YTHDC2: variants seen among roughly 807,000 people sequenced by gnomAD.
YTHDC2 encodes 3'-5' RNA helicase YTHDC2.
YTHDC2 carries 45 observed loss-of-function variants against 174.9 expected under a neutral mutation model. The observed-to-expected ratio is 0.26, with a 90% CI of 0.20 to 0.33. YTHDC2 has a LOEUF of 0.33. Among genes scored for constraint, YTHDC2 ranks in the 10% least tolerant of loss-of-function variants. YTHDC2 has a pLI of 1.00. For missense variants in YTHDC2, 1,650 were observed against 1,723.7 expected (o/e 0.96, Z 0.76); for synonymous variants, 657 against 574.5 (o/e 1.14, Z -2.05).
intron 8 of YTHDC2, among the ~76,000 whole-genome samples, chr5:113,539,644 C>T (rs1488523798): frequency 6.6e-6 from 1 of 152,168 alleles, no homozygotes; most frequent in Non-Finnish European, 1.5e-5. Flanking sequence ...TAATACGTCT[C>T]TTGTAATGAC....
chr5:113,582,547 T>G (rs1409307723), intron 25 of YTHDC2: 2 of 152,216 alleles, frequency 1.3e-5, no homozygotes, highest in African/African-American at 4.8e-5. Context: ...GGTTTTCACC[T>G]TGTTAAAATT....
chr5:113,526,811 GAAAAA>G lies in YTHDC2; in HGVS notation c.675+38_675+42del, dbSNP rs58260423. 2,052 of 260,416 alleles carry G rather than the reference GAAAAA, an allele frequency of 7.9e-3. 31 individuals carry two copies. Among genetic ancestry groups the G allele is most frequent in the Non-Finnish European group, 8.0e-3 (1,375 of 170,950 alleles). 16.1% of individuals were successfully genotyped at this position (260,416 alleles called of 1,614,324 possible). ...GTTTGTTTCTTTTTTGTTGTTTATAGAAAAAAAAAAAAAAAATATATATATATATA... is the reference window on the plus strand; with the variant it reads ...GTTTGTTTCTTTTTTGTTGTTTATAGAAAAAAAAAAATATATATATATATA... On this transcript the variant is annotated intron_variant, in intron 4 of 29. Transcript: ENST00000161863.
intron 23 of YTHDC2, among the ~76,000 whole-genome samples, chr5:113,568,605 A>G (rs752271819): frequency 2.0e-5 from 3 of 152,140 alleles, no homozygotes; most frequent in East Asian, 1.9e-4. Flanking sequence ...GCTCCCACTT[A>G]TAAGTGAGAA....
At chr5:113,550,822 C>A (rs986780374) in intron 12 of YTHDC2, among the ~76,000 whole-genome samples, 1 of 151,700 alleles carries the variant, frequency 6.6e-6, no homozygotes, top group African/African-American at 2.4e-5. Flanking sequence ...TAAAACCAAT[C>A]GAATTAATTG....
At chr5:113,565,220 G>T (rs1777252713) in intron 20 of YTHDC2, among the ~76,000 whole-genome samples, 1 of 152,134 alleles carries the variant, frequency 6.6e-6, no homozygotes, top group African/African-American at 2.4e-5. Flanking sequence ...AAGCTCTTTT[G>T]TGAGTATTGA....
chr5:113,557,681 C>G (rs1776705265), intron 17 of YTHDC2, among the ~76,000 whole-genome samples: 1 of 152,068 alleles, frequency 6.6e-6, no homozygotes, highest in Non-Finnish European at 1.5e-5. Flanking sequence ...GTGGGCCTAG[C>G]TACTTGGGAG....
At chr5:113,587,563 A>T (rs1778761560) in intron 26 of YTHDC2, among the ~76,000 whole-genome samples, 1 of 143,190 alleles carries the variant, frequency 7.0e-6, no homozygotes, top group Admixed American at 7.4e-5. Context: ...CATACATAAT[A>T]TATAGTATAT....
Position 113,565,592 on chromosome 5 carries a change from C to T in YTHDC2, c.2716-301C>T, listed in dbSNP as rs887360112. 15 of 205,204 alleles carry T rather than the reference C, an allele frequency of 7.3e-5. No homozygotes were observed. The East Asian group carries it at 1.1e-3, about 15-fold the overall frequency. 12.7% of individuals were successfully genotyped at this position (205,204 alleles called of 1,614,324 possible). A position where few individuals can be genotyped will look rare whatever the true frequency, so the allele number is the denominator to read the frequency against. On this transcript the variant is annotated intron_variant, in intron 20 of 29. Transcript: ENST00000161863. ...AAGAAGTCTTAGTTGAAAACCTATA[C>T]TTTTGTAGAGAGTAAAATTAGCAGA...
chr5:113,563,642 A>G, intron 19 of YTHDC2, 150 bp downstream of exon 19: 1 of 1,041,098 alleles, frequency 9.6e-7, no homozygotes, highest in East Asian at 2.6e-5. Flanking sequence ...CTTTTAAACA[A>G]TTATCTTAAA....
At chr5:113,547,556 G>A (rs916503587) in intron 10 of YTHDC2, among the ~76,000 whole-genome samples, 2 of 152,200 alleles carry the variant, frequency 1.3e-5, no homozygotes, top group African/African-American at 4.8e-5. Context: ...TCTGGTGGGG[G>A]ATGTTGATAA....
At chr5:113,536,928 T>G (rs984708535) in intron 7 of YTHDC2, among the ~76,000 whole-genome samples, 1 of 152,218 alleles carries the variant, frequency 6.6e-6, no homozygotes, top group African/African-American at 2.4e-5. Flanking sequence ...TCCAGTTTAG[T>G]AACCCTGGAT....
chr5:113,546,237 TTAAG>T (rs1349226340), intron 10 of YTHDC2, among the ~76,000 whole-genome samples: 2 of 152,212 alleles, frequency 1.3e-5, no homozygotes, highest in African/African-American at 4.8e-5. Flanking sequence ...TTTTAAGTAT[TTAAG>T]TATTATCCTT....
intron 6 of YTHDC2, among the ~76,000 whole-genome samples, chr5:113,534,970 C>T (rs1400624166): frequency 1.3e-5 from 2 of 152,116 alleles, no homozygotes; most frequent in Non-Finnish European, 1.5e-5. Flanking sequence ...GAAACTTACC[C>T]AAACCAAAGG....
chr5:113,555,988 A>T, intron 16 of YTHDC2, 64 bp from the exon 17 acceptor site: 1 of 962,000 alleles, frequency 1.0e-6, no homozygotes, highest in African/African-American at 1.7e-5. Context: ...TGTTGATAAC[A>T]TTCTTGCTAT....
At chr5:113,518,264 G>A (rs527663738) in intron 2 of YTHDC2, among the ~76,000 whole-genome samples, 3 of 150,912 alleles carry the variant, frequency 2.0e-5, no homozygotes, top group South Asian at 2.1e-4. Context: ...AATGATGACG[G>A]CTCGCTGCTC....
chr5:113,594,809 T>G lies in YTHDC2; in HGVS notation c.*1335T>G, dbSNP rs535775954. ...CAAAAAGAAAACTCTGGTTTTATATTTGAGAACACGTGAAAAATCATGGGT... is the reference window on the plus strand; with the variant it reads ...CAAAAAGAAAACTCTGGTTTTATATGTGAGAACACGTGAAAAATCATGGGT... On this transcript the variant is annotated 3_prime_UTR_variant, in exon 30 of 30. Transcript: ENST00000161863. 28 of 152,280 alleles carry G rather than the reference T, an allele frequency of 1.8e-4. No homozygotes were observed. Among genetic ancestry groups the G allele is most frequent in the Middle Eastern group, 3.4e-3 (1 of 294 alleles). 9.4% of individuals were successfully genotyped at this position (152,280 alleles called of 1,614,324 possible). A position where few individuals can be genotyped will look rare whatever the true frequency, so the allele number is the denominator to read the frequency against.
At chr5:113,580,954 C>G (rs1281372838) in intron 24 of YTHDC2, among the ~76,000 whole-genome samples, 1 of 152,166 alleles carries the variant, frequency 6.6e-6, no homozygotes, top group Admixed American at 6.5e-5. Context: ...CTTACTCCCT[C>G]TATACATTCC....
intron 22 of YTHDC2, 52 bp from the exon 23 acceptor site, chr5:113,567,602 A>T: frequency 7.1e-7 from 1 of 1,404,546 alleles, no homozygotes; most frequent in Non-Finnish European, 9.7e-7. Context: ...TATTTCCAAT[A>T]AACTAGGTGA....
Position 113,584,288 on chromosome 5 carries a change from C to T in YTHDC2, c.3648-14C>T, listed in dbSNP as rs773858323. 6.3e-7 allele frequency: 1 copy of T among 1,599,296 alleles called. No individual in the cohort carries two copies. The highest frequency in any genetic ancestry group is 2.2e-5 in the East Asian group (1 of 44,756). On this transcript the variant is annotated splice_polypyrimidine_tract_variant and intron_variant, in intron 25 of 29. Transcript: ENST00000161863. ...TATATATAACTGATCTTTGCTTCCT[C>T]CTTCTTGCTCAAGAGTACTGATGAA...
Sources: allele counts gnomAD v4.1 joint callset (sites outside exome capture counted in the v4.1 genomes callset), GRCh38; gene constraint gnomAD v4.1.1; transcripts MANE v1.5; gene names NCBI Gene and HGNC (gene_info 2026-07-23, HGNC 2026-07-21).